Variants in KIAA0232 observed in about 807,000 individuals in gnomAD.
The protein encoded by KIAA0232 is uncharacterized protein KIAA0232.
Under a neutral mutation model 122.0 loss-of-function variants are expected in KIAA0232, and 27 were observed. The observed-to-expected ratio is 0.22, with a 90% CI of 0.16 to 0.31. The LOEUF (loss-of-function observed/expected upper bound fraction) is 0.31. KIAA0232 is among the 10% of genes least tolerant of loss of function. The pLI, the probability that KIAA0232 is intolerant of heterozygous loss-of-function variation, is 1.00. For synonymous variants in KIAA0232, 613 were observed against 587.6 expected (o/e 1.04, Z -0.63); for missense variants, 1,551 against 1,634.2 (o/e 0.95, Z 0.88).
chr4:6,796,239 A>G (rs1717130009), intron 1 of KIAA0232, among the ~76,000 whole-genome samples: 1 of 151,850 alleles, frequency 6.6e-6, no homozygotes, highest in Admixed American at 6.6e-5. Context: ...ATCCTTCCCT[A>G]TATTGTTCTT....
intron 8 of KIAA0232, among the ~76,000 whole-genome samples, chr4:6,874,893 T>C (rs899461146): frequency 1.2e-4 from 18 of 152,090 alleles, no homozygotes; most frequent in African/African-American, 4.3e-4. Context: ...TGTGGCACAA[T>C]AAAACCCTCT....
At chr4:6,850,734 T>C (rs1720233012) in intron 4 of KIAA0232, among the ~76,000 whole-genome samples, 1 of 151,822 alleles carries the variant, frequency 6.6e-6, no homozygotes, top group African/African-American at 2.4e-5. Context: ...TGGCGTTATC[T>C]CAGTCAGCTC....
At chr4:6,836,668 T>C (rs1458419821) in intron 3 of KIAA0232, among the ~76,000 whole-genome samples, 2 of 152,030 alleles carry the variant, frequency 1.3e-5, no homozygotes, top group Admixed American at 6.6e-5. Flanking sequence ...CAAAGGTCTC[T>C]GGTTTTCCTA....
At position 6,865,127 on chromosome 4, in the gene KIAA0232, T is replaced by C. The variant is rs111779950; in HGVS notation, c.3801+944T>C. Among the ~76,000 whole-genome samples, 689 of 152,304 alleles carry C rather than the reference T, an allele frequency of 4.5e-3. 2 individuals are homozygous for C. The highest frequency in any genetic ancestry group is 0.015 in the African/African-American group (638 of 41,556). Reference sequence around the variant, plus strand: ...TTGTGTTAATGAGAGTCATTGTACCTCTCCACTGTATGCCCAAGAAATGGC... The same window carrying C: ...TTGTGTTAATGAGAGTCATTGTACCCCTCCACTGTATGCCCAAGAAATGGC... On this transcript the variant is annotated intron_variant, in intron 7 of 9. Coordinates refer to ENST00000307659, the MANE Select transcript of KIAA0232 (RefSeq NM_014743.3).
At chr4:6,803,039 GT>G (rs11337980) in intron 1 of KIAA0232, among the ~76,000 whole-genome samples, 23,467 of 144,242 alleles carry the variant, frequency 0.16, 2,423 homozygotes, top group East Asian at 0.37. Context: ...AAAAAGCCAG[GT>G]TTGGTGGGTG....
intron 1 of KIAA0232, among the ~76,000 whole-genome samples, chr4:6,785,030 C>T (rs1455579440): frequency 1.3e-5 from 2 of 151,722 alleles, no homozygotes; most frequent in Admixed American, 6.6e-5. Context: ...CTCCGCCCGC[C>T]GGGTACAAGC....
At chr4:6,865,560 C>T (rs1004979914) in intron 7 of KIAA0232, among the ~76,000 whole-genome samples, 1 of 152,246 alleles carries the variant, frequency 6.6e-6, no homozygotes, top group African/African-American at 2.4e-5. Flanking sequence ...CTTGGCCTCC[C>T]AAAGTGTTGG....
At chr4:6,866,140 T>G in intron 7 of KIAA0232, 1 of 733,716 alleles carries the variant, frequency 1.4e-6, no homozygotes, top group Non-Finnish European at 1.7e-6. Flanking sequence ...TATTGCCCCA[T>G]TTTTCATCCT....
Position 6,862,975 on chromosome 4 carries a change from G to A in KIAA0232, c.2593G>A (p.Glu865Lys). 1 of 1,614,226 alleles carries A rather than the reference G, an allele frequency of 6.2e-7. No individual in the cohort carries two copies. The highest frequency in any genetic ancestry group is 8.5e-7 in the Non-Finnish European group (1 of 1,180,036). Residue 865 changes from glutamate (E) to lysine (K), a missense_variant, in exon 7 of 10, where the codon GAA (glutamate) becomes AAA (lysine). Physicochemically the swap from Glu to Lys is moderately conservative, Grantham distance 56. Around this residue, in one of 5 missense-constraint regions of KIAA0232, gnomAD observed 1,108 missense variants for 1,154.8 expected, o/e 0.96. Coordinates refer to ENST00000307659, the MANE Select transcript of KIAA0232 (RefSeq NM_014743.3). The stretch of plus-strand genomic sequence containing the variant: ...TAACTACTGCTGCTGTCTAGATGCT[G>A]AAGCTGAACTGGAGACCCTTCAGGA... ...VNNYCCCLDA[E>K]AELETLQEPD...
intron 1 of KIAA0232, among the ~76,000 whole-genome samples, chr4:6,800,546 TG>T (rs1717342826): frequency 6.6e-6 from 1 of 151,620 alleles, no homozygotes; most frequent in Admixed American, 6.6e-5. Context: ...CTGGGTGTGG[TG>T]GTATGCACCT....
chr4:6,842,585 ATT>A (rs758473629), intron 4 of KIAA0232, among the ~76,000 whole-genome samples: 33 of 133,226 alleles, frequency 2.5e-4, no homozygotes, highest in Non-Finnish European at 2.3e-4. Context: ...CTTGCTCTTG[ATT>A]TTTTTTTTTT....
chr4:6,812,329 G>A (rs1392363907), intron 2 of KIAA0232, among the ~76,000 whole-genome samples: 1 of 152,202 alleles, frequency 6.6e-6, no homozygotes, highest in South Asian at 2.1e-4. Flanking sequence ...TGTAGCTGGT[G>A]TGACTGAGGA....
At chr4:6,837,156 G>GC (rs986530661) in intron 3 of KIAA0232, among the ~76,000 whole-genome samples, 4 of 151,912 alleles carry the variant, frequency 2.6e-5, no homozygotes, top group Admixed American at 2.0e-4. Context: ...TCCCGAACGG[G>GC]CCGGCTGGCG....
intron 8 of KIAA0232, among the ~76,000 whole-genome samples, chr4:6,875,462 G>A (rs895719554): frequency 3.9e-5 from 6 of 152,234 alleles, no homozygotes; most frequent in Admixed American, 1.3e-4. Context: ...TCTTGGAGCC[G>A]TCAGAGAGAA....
chr4:6,824,753 G>A, intron 3 of KIAA0232, 69 bp downstream of exon 3: 1 of 1,318,420 alleles, frequency 7.6e-7, no homozygotes, highest in South Asian at 1.2e-5. Flanking sequence ...TCTTAAACAA[G>A]CACTTTTATA....
chr4:6,834,039 AC>A (rs746094497), intron 3 of KIAA0232, among the ~76,000 whole-genome samples: 21 of 151,686 alleles, frequency 1.4e-4, no homozygotes, highest in Non-Finnish European at 2.7e-4. Flanking sequence ...TCCAACTTAG[AC>A]CACTGACTTG....
At chr4:6,869,588 C>T (rs1721363494) in intron 7 of KIAA0232, among the ~76,000 whole-genome samples, 1 of 152,230 alleles carries the variant, frequency 6.6e-6, no homozygotes, top group Non-Finnish European at 1.5e-5. Flanking sequence ...TATCTAATAG[C>T]AGTACCAATT....
Position 6,857,160 on chromosome 4 carries a change from G to A in KIAA0232, c.370-4G>A. 6.2e-7 allele frequency: 1 copy of A among 1,601,362 alleles called. No homozygotes were observed. ...ACCTAATGTGTCTTTTTGTTGTCAT[G>A]CAGAGCTCTGGTATCGAGACTTTAG... On this transcript the variant is annotated splice_region_variant and splice_polypyrimidine_tract_variant and intron_variant, in intron 4 of 9. Coordinates refer to ENST00000307659, the MANE Select transcript of KIAA0232 (RefSeq NM_014743.3).
intron 2 of KIAA0232, among the ~76,000 whole-genome samples, chr4:6,819,421 G>A (rs1208980236): frequency 6.6e-6 from 1 of 151,804 alleles, no homozygotes; most frequent in East Asian, 1.9e-4. Flanking sequence ...AGAAAAAAAA[G>A]ACCCCACTAA....
Sources: allele counts gnomAD v4.1 joint callset (sites outside exome capture counted in the v4.1 genomes callset), GRCh38; gene constraint gnomAD v4.1.1; regional missense constraint gnomAD v4.1.1; transcripts MANE v1.5; gene names NCBI Gene and HGNC (gene_info 2026-07-23, HGNC 2026-07-21).